The following PDE4D variants were observed in gnomAD, a reference collection of about 807,000 sequenced individuals.
PDE4D encodes the protein phosphodiesterase 4D, also known as 3',5'-cyclic-AMP phosphodiesterase 4D.
In PDE4D, 24 loss-of-function variants were observed where a neutral mutation model predicts 87.4. The observed-to-expected ratio is 0.27, with a 90% confidence interval of 0.20 to 0.39. The LOEUF (loss-of-function observed/expected upper bound fraction) is 0.39, where lower values mean the gene tolerates loss of function less well. Ranked by LOEUF, PDE4D falls within the 10% of genes least tolerant of loss-of-function variation. PDE4D has a pLI of 1.00. For synonymous variants in PDE4D, 384 were observed against 383.2 expected (o/e 1.00, Z -0.02); for missense variants, 714 against 1,041.0 (o/e 0.69, Z 4.32).
intron 2 of PDE4D, among the ~76,000 whole-genome samples, chr5:59,214,068 A>T (rs1750698809): frequency 1.3e-5 from 2 of 149,440 alleles, no homozygotes; most frequent in South Asian, 4.6e-4. Context: ...ACACACACAC[A>T]CACACACACA....
intron 2 of PDE4D, among the ~76,000 whole-genome samples, chr5:60,011,265 T>C (rs1764996227): frequency 6.6e-6 from 1 of 152,122 alleles, no homozygotes; most frequent in African/African-American, 2.4e-5. Flanking sequence ...AAGGGCATGT[T>C]CTGCTGATGG....
intron 1 of PDE4D, among the ~76,000 whole-genome samples, chr5:60,462,376 A>G (rs1198710853): frequency 6.6e-6 from 1 of 152,132 alleles, no homozygotes; most frequent in Non-Finnish European, 1.5e-5. Context: ...ACCCACACAC[A>G]TTCTTACAAG....
At chr5:59,725,298 G>C (rs1247748614) in intron 1 of PDE4D, among the ~76,000 whole-genome samples, 1 of 151,994 alleles carries the variant, frequency 6.6e-6, no homozygotes, top group East Asian at 1.9e-4. Context: ...GTTTCCCTGA[G>C]TTTTGCTCAC....
chr5:58,976,588 G>A (rs1044875237), intron 12 of PDE4D, 116 bp from the exon 13 acceptor site: 1 of 829,460 alleles, frequency 1.2e-6, no homozygotes, highest in East Asian at 2.7e-5. Flanking sequence ...TTTAATGACA[G>A]TGGAAAATCC....
At chr5:60,387,763 G>A (rs1762293237) in intron 1 of PDE4D, among the ~76,000 whole-genome samples, 1 of 152,178 alleles carries the variant, frequency 6.6e-6, no homozygotes, top group South Asian at 2.1e-4. Flanking sequence ...TACCCGAAGT[G>A]TGGAGTTTTG....
At chr5:59,751,395 T>C (rs901969986) in intron 1 of PDE4D, among the ~76,000 whole-genome samples, 9 of 152,164 alleles carry the variant, frequency 5.9e-5, no homozygotes, top group Non-Finnish European at 8.8e-5. Context: ...AAAGATGGTA[T>C]AGATTGGTCT....
In PDE4D at chr5:59,079,281, T is replaced by C. The variant is rs1223171446; in HGVS notation, c.809-40310A>G. ...TTATCTATTACCTATGTAATAAAACTAGACATTAAGAGAAAAATCTCATGG... is the reference window on the plus strand; with the variant it reads ...TTATCTATTACCTATGTAATAAAACCAGACATTAAGAGAAAAATCTCATGG... On this transcript the variant is annotated intron_variant, in intron 5 of 14. Coordinates refer to ENST00000340635, the MANE Select transcript of PDE4D (RefSeq NM_001104631.2). Among the ~76,000 whole-genome samples the C allele has an allele frequency of 2.6e-5, 4 of 152,142 alleles. No homozygotes were observed. In the East Asian group the frequency reaches 5.8e-4, roughly 22 times the overall value.
At chr5:59,199,939 C>A (rs1248043600) in intron 2 of PDE4D, among the ~76,000 whole-genome samples, 1 of 151,450 alleles carries the variant, frequency 6.6e-6, no homozygotes, top group African/African-American at 2.4e-5. Flanking sequence ...CACATATATA[C>A]ATATATACAT....
In PDE4D at chr5:58,975,955, T is replaced by TAAGA. The variant is rs1352571515; in HGVS notation, c.1831-120_1831-117dup. 1.3e-6 allele frequency: 1 copy of TAAGA among 755,526 alleles called. No individual in the cohort carries two copies. The highest frequency in any genetic ancestry group is 2.0e-6 in the Non-Finnish European group (1 of 503,622). The allele number at this position is 755,526 out of a possible 1,614,324, so 46.8% of individuals were successfully genotyped here. On this transcript the variant is annotated intron_variant, in intron 13 of 14. Coordinates refer to ENST00000340635, the MANE Select transcript of PDE4D (RefSeq NM_001104631.2). The surrounding 1 kb of genome is among the most constrained non-coding windows in gnomAD (Gnocchi z 4.2). Reference sequence around the variant, plus strand: ...GCAACACTTAAAAATACACGTAGTGTAAGATTTATTCCAAACAGCTCAACC... The same window carrying TAAGA: ...GCAACACTTAAAAATACACGTAGTGTAAGAAAGATTTATTCCAAACAGCTCAACC...
At chr5:59,816,596 G>A (rs1336515368) in intron 1 of PDE4D, among the ~76,000 whole-genome samples, 1 of 152,136 alleles carries the variant, frequency 6.6e-6, no homozygotes, top group East Asian at 1.9e-4. Flanking sequence ...GTGAGTCTTT[G>A]GTCGTCTTTT....
intron 2 of PDE4D, among the ~76,000 whole-genome samples, chr5:60,180,834 C>T (rs919400406): frequency 6.6e-6 from 1 of 152,122 alleles, no homozygotes; most frequent in African/African-American, 2.4e-5. Flanking sequence ...ATTTTACCTA[C>T]AGCATCTCCC....
In PDE4D at chr5:59,713,257, C is replaced by T. The variant is rs79894733; in HGVS notation, c.455+179911G>A. On this transcript the variant is annotated intron_variant, in intron 1 of 14. Coordinates refer to ENST00000340635, the MANE Select transcript of PDE4D (RefSeq NM_001104631.2). ...AAATCTGATTTAAGGAAAATGTATG[C>T]GCTGCAGTCAATAGGCTGAGGCAGA... 5.0e-3 allele frequency among the ~76,000 whole-genome samples: 760 copies of T among 152,268 alleles called. 9 individuals carry two copies. Among genetic ancestry groups the T allele is most frequent in the African/African-American group, 0.017 (726 of 41,554 alleles).
intron 2 of PDE4D, among the ~76,000 whole-genome samples, chr5:60,149,904 AG>A (rs530661107): frequency 6.9e-4 from 102 of 147,428 alleles, no homozygotes; most frequent in African/African-American, 2.4e-3. Context: ...TATATATACT[AG>A]TATATAATTT....
chr5:59,855,936 T>C, intron 1 of PDE4D, among the ~76,000 whole-genome samples: 1 of 152,156 alleles, frequency 6.6e-6, no homozygotes, highest in Non-Finnish European at 1.5e-5. Flanking sequence ...GGCAATCTTT[T>C]TTTCTGGTTT....
intron 5 of PDE4D, among the ~76,000 whole-genome samples, chr5:59,168,613 T>C (rs1184870214): frequency 6.6e-6 from 1 of 151,954 alleles, no homozygotes; most frequent in Non-Finnish European, 1.5e-5. Flanking sequence ...TACCCTCCAC[T>C]CATATACATT....
intron 2 of PDE4D, among the ~76,000 whole-genome samples, chr5:60,126,735 T>C (rs1011286590): frequency 1.3e-5 from 2 of 152,168 alleles, no homozygotes; most frequent in Non-Finnish European, 2.9e-5. Flanking sequence ...TTAGACTCTC[T>C]CTGTGCTAGG....
chr5:60,303,677 C>T (rs981355666), intron 1 of PDE4D, among the ~76,000 whole-genome samples: 1 of 152,124 alleles, frequency 6.6e-6, no homozygotes, highest in Non-Finnish European at 1.5e-5. Context: ...GTTATGATTT[C>T]AGTTGTTTTG....
chr5:60,256,457 T>C (rs564660714), intron 1 of PDE4D, among the ~76,000 whole-genome samples: 1 of 152,080 alleles, frequency 6.6e-6, no homozygotes, highest in South Asian at 2.1e-4. Flanking sequence ...GTTTAAAATA[T>C]GAAATCAATA....
intron 1 of PDE4D, among the ~76,000 whole-genome samples, chr5:59,269,127 G>C (rs1343770770): frequency 6.6e-6 from 1 of 152,010 alleles, no homozygotes; most frequent in Non-Finnish European, 1.5e-5. Flanking sequence ...TTGCAGTCAG[G>C]ACTAAGTATT....
Sources: gnomAD v4.1 joint callset for allele counts (sites outside exome capture counted in the v4.1 genomes callset) on GRCh38, gnomAD v4.1.1 for gene constraint, Gnocchi (gnomAD v3.1) non-coding constraint, MANE v1.5 for transcripts, NCBI Gene and HGNC (gene_info 2026-07-23, HGNC 2026-07-21) for gene names.